The following TPX2 variants were observed in gnomAD, a reference collection of about 807,000 sequenced individuals.
TPX2 encodes the protein TPX2 microtubule nucleation factor, also known as targeting protein for Xklp2.
Under a neutral mutation model 93.6 loss-of-function variants are expected in TPX2, and 21 were observed. The observed-to-expected ratio is 0.22, with a 90% CI of 0.16 to 0.32. The LOEUF (loss-of-function observed/expected upper bound fraction) is 0.32. TPX2 is among the 10% of genes least tolerant of loss of function. The probability of loss-of-function intolerance (pLI) is 1.00; values close to 1 mark genes in which losing one functional copy is unlikely to be tolerated. For synonymous variants in TPX2, 281 were observed against 298.3 expected, an observed-to-expected ratio of 0.94 and a Z score of 0.60; for missense variants, 776 against 871.1, an observed-to-expected ratio of 0.89 and a Z score of 1.37.
At chr20:31,745,679 T>A (rs1199708261) in intron 2 of TPX2, among the ~76,000 whole-genome samples, 2 of 152,212 alleles carry the variant, frequency 1.3e-5, no homozygotes, top group Non-Finnish European at 2.9e-5. Flanking sequence ...CCAAACCAGA[T>A]ACCTTTTGAA....
intron 10 of TPX2, 72 bp downstream of exon 10, chr20:31,779,056 G>T: frequency 6.9e-7 from 1 of 1,443,496 alleles, no homozygotes; most frequent in Admixed American, 2.6e-5. Context: ...CTTAGGCACA[G>T]ATTTGTCTTT....
At chr20:31,774,953 G>A (rs1321015335) in intron 7 of TPX2, among the ~76,000 whole-genome samples, 3 of 151,960 alleles carry the variant, frequency 2.0e-5, no homozygotes, top group African/African-American at 7.3e-5. Flanking sequence ...AATCTTTTTT[G>A]TTGTTGTTGC....
intron 7 of TPX2, 152 bp downstream of exon 7, chr20:31,771,834 C>A: frequency 1.3e-6 from 1 of 749,560 alleles, no homozygotes; most frequent in Non-Finnish European, 2.0e-6. Context: ...GATGGGTGCT[C>A]AGATTTTTAA....
At chr20:31,760,569 C>T (rs2061883314) in intron 4 of TPX2, among the ~76,000 whole-genome samples, 1 of 152,114 alleles carries the variant, frequency 6.6e-6, no homozygotes, top group Non-Finnish European at 1.5e-5. Flanking sequence ...GCTAGCCAAG[C>T]TGGTCTTGAC....
chr20:31,767,948 T>G (rs1412755406), intron 5 of TPX2, among the ~76,000 whole-genome samples: 4 of 151,676 alleles, frequency 2.6e-5, no homozygotes, highest in East Asian at 3.9e-4. Context: ...TTTTTTTTTT[T>G]TGAGAGAGGG....
At chr20:31,761,048 A>T (rs2061886937) in intron 4 of TPX2, among the ~76,000 whole-genome samples, 1 of 152,200 alleles carries the variant, frequency 6.6e-6, no homozygotes, top group African/African-American at 2.4e-5. Context: ...TAAACATTTC[A>T]GTGTTTTTAA....
chr20:31,764,802 T>C (rs2061914086), intron 4 of TPX2, among the ~76,000 whole-genome samples: 1 of 152,204 alleles, frequency 6.6e-6, no homozygotes, highest in African/African-American at 2.4e-5. Flanking sequence ...AAATGAATAA[T>C]GCCTAAACTA....
At chr20:31,799,897 CAAAA>C (rs533016889) in intron 17 of TPX2, among the ~76,000 whole-genome samples, 7 of 63,984 alleles carry the variant, frequency 1.1e-4, no homozygotes, top group South Asian at 7.0e-4. Flanking sequence ...GAGACTGTCT[CAAAA>C]AAAAAAAAAA....
intron 5 of TPX2, 102 bp downstream of exon 5, chr20:31,766,784 C>T: frequency 2.1e-6 from 2 of 972,146 alleles, no homozygotes; most frequent in Non-Finnish European, 2.8e-6. Context: ...TTTATGGACA[C>T]CTTTATGTTA....
intron 2 of TPX2, among the ~76,000 whole-genome samples, chr20:31,744,971 C>T (rs1048392126): frequency 6.6e-6 from 1 of 152,106 alleles, no homozygotes; most frequent in Non-Finnish European, 1.5e-5. Flanking sequence ...CCTGTAATCC[C>T]ACTTACTCGG....
chr20:31,783,729 T>G lies in TPX2; in HGVS notation c.1221T>G (p.Leu407=), dbSNP rs775050814. 1.1e-5 allele frequency: 18 copies of G among 1,607,722 alleles called. No homozygotes were observed. Among genetic ancestry groups the G allele is most frequent in the Non-Finnish European group, 1.5e-5 (18 of 1,178,658 alleles). Residue 407 remains leucine, a synonymous_variant, in exon 12 of 18, where the codon CTT becomes CTG. Coordinates refer to ENST00000300403, the MANE Select transcript of TPX2 (RefSeq NM_012112.5). ...GATACAAATTCAAAGCACGTGAACTTGATCCCAGAATACTTGAAGGTGGGC... is the reference window on the plus strand; with the variant it reads ...GATACAAATTCAAAGCACGTGAACTGGATCCCAGAATACTTGAAGGTGGGC... ...LQQYKFKARE[L]DPRILEGGPI...
rs1020011971 is a variant in TPX2, at chr20:31,752,769, T to G, written c.-70-4638T>G. Among the ~76,000 whole-genome samples the G allele has an allele frequency of 7.9e-5, 12 of 152,122 alleles. 1 individual carries two copies. Among genetic ancestry groups the G allele is most frequent in the African/African-American group, 2.9e-4 (12 of 41,418 alleles). ...CTAGGACTATAGGTGACCGCCACCA[T>G]GCCTGGCTAATTCTTTTTGTATTTT... On this transcript the variant is annotated intron_variant, in intron 2 of 17. Coordinates refer to ENST00000300403, the MANE Select transcript of TPX2 (RefSeq NM_012112.5).
chr20:31,774,724 T>C (rs1417371321), intron 7 of TPX2, among the ~76,000 whole-genome samples: 1 of 152,208 alleles, frequency 6.6e-6, no homozygotes, highest in African/African-American at 2.4e-5. Context: ...ATGTGTTTTA[T>C]GTGTATTAAC....
intron 4 of TPX2, among the ~76,000 whole-genome samples, chr20:31,763,844 C>T (rs1008938791): frequency 3.3e-5 from 5 of 150,722 alleles, no homozygotes; most frequent in African/African-American, 9.8e-5. Flanking sequence ...ATGGTGAAAC[C>T]CTGTCTCTAC....
intron 4 of TPX2, among the ~76,000 whole-genome samples, chr20:31,761,011 C>T (rs189663114): frequency 1.2e-3 from 186 of 152,168 alleles, no homozygotes; most frequent in Non-Finnish European, 2.2e-3. Context: ...TTAGATTTAA[C>T]TCACACATCA....
At position 31,763,934 on chromosome 20, in the gene TPX2, G is replaced by A. The variant is rs756945499; in HGVS notation, c.230-2622G>A. On this transcript the variant is annotated intron_variant, in intron 4 of 17. Transcript: ENST00000300403. ...CTCGGGAGGCTGAGGTAGGAGAATC[G>A]CTGAAACCTGGGAGGCGGAGGCTGC... 4.0e-5 allele frequency among the ~76,000 whole-genome samples: 6 copies of A among 151,456 alleles called. No homozygotes were observed. The East Asian group carries it at 5.8e-4, about 15-fold the overall frequency.
At position 31,794,448 on chromosome 20, in the gene TPX2, A is replaced by G; in HGVS notation, c.1733A>G (p.Asn578Ser). 2 of 1,614,128 alleles carry G rather than the reference A, an allele frequency of 1.2e-6. No individual in the cohort carries two copies. Among genetic ancestry groups the G allele is most frequent in the Non-Finnish European group, 1.7e-6 (2 of 1,180,022 alleles). Residue 578 changes from asparagine to serine, a missense_variant, in exon 15 of 18, where the codon AAC becomes AGC. Asn to Ser is a conservative substitution (Grantham distance 46). Transcript: ENST00000300403. ...CCCTTGCCTCATTTTGACACCATTA[A>G]CCTGCCAGAGAAGAAGGTAAAGAAT... ...ALPLPHFDTI[N>S]LPEKKVKNVT...
At chr20:31,751,314 G>A (rs988242152) in intron 2 of TPX2, among the ~76,000 whole-genome samples, 5 of 152,020 alleles carry the variant, frequency 3.3e-5, no homozygotes, top group African/African-American at 4.8e-5. Flanking sequence ...AGCTTTAGTC[G>A]TCTTCATTAC....
chr20:31,778,455 A>AT (rs907130105), intron 9 of TPX2, among the ~76,000 whole-genome samples: 9 of 148,654 alleles, frequency 6.1e-5, no homozygotes, highest in African/African-American at 7.4e-5. Flanking sequence ...GGCCCAATCA[A>AT]TTTTTTTTTT....
Sources: gnomAD v4.1 joint callset for allele counts (sites outside exome capture counted in the v4.1 genomes callset) on GRCh38, gnomAD v4.1.1 for gene constraint, MANE v1.5 for transcripts, NCBI Gene and HGNC (gene_info 2026-07-23, HGNC 2026-07-21) for gene names.